The following DIP2C variants were observed in gnomAD, a reference collection of about 807,000 sequenced individuals.
DIP2C encodes the protein DIP2 acetate--CoA ligase C (putative).
In DIP2C, 33 loss-of-function variants were observed where a neutral mutation model predicts 192.4. The observed-to-expected ratio is 0.17, with a 90% confidence interval of 0.13 to 0.23. The LOEUF is 0.23. DIP2C is among the 10% of genes least tolerant of loss of function. DIP2C has a pLI of 1.00. For missense variants in DIP2C, 1,537 were observed against 2,110.1 expected, an observed-to-expected ratio of 0.73 and a Z score of 5.32; for synonymous variants, 979 against 864.1, an observed-to-expected ratio of 1.13 and a Z score of -2.33.
intron 1 of DIP2C, among the ~76,000 whole-genome samples, chr10:533,158 A>G (rs1847513958): frequency 1.3e-5 from 2 of 152,078 alleles, no homozygotes; most frequent in Non-Finnish European, 2.9e-5. Flanking sequence ...AGAAAGTGTC[A>G]GAACTGACCC....
intron 8 of DIP2C, among the ~76,000 whole-genome samples, chr10:409,428 C>A (rs1417158831): frequency 1.3e-5 from 2 of 152,274 alleles, no homozygotes; most frequent in East Asian, 3.9e-4. Flanking sequence ...CAGATCAAAG[C>A]TTCAAACTCA....
At chr10:654,778 G>A (rs1856175554) in intron 1 of DIP2C, among the ~76,000 whole-genome samples, 1 of 152,198 alleles carries the variant, frequency 6.6e-6, no homozygotes, top group Non-Finnish European at 1.5e-5. Context: ...GTTATACTCT[G>A]TAGTATGGAG....
chr10:544,601 C>T (rs1202257688), intron 1 of DIP2C, among the ~76,000 whole-genome samples: 2 of 152,084 alleles, frequency 1.3e-5, no homozygotes, highest in African/African-American at 2.4e-5. Flanking sequence ...AACATGTCAC[C>T]GTCCAGTACT....
intron 1 of DIP2C, among the ~76,000 whole-genome samples, chr10:532,758 T>TATGGGTGTGA (rs1847486904): frequency 2.0e-4 from 20 of 99,904 alleles, no homozygotes; most frequent in East Asian, 5.2e-4. Context: ...TATGGGTGTG[T>TATGGGTGTGA]GAGAGAGTAT....
intron 1 of DIP2C, among the ~76,000 whole-genome samples, chr10:536,910 T>G (rs1847726621): frequency 1.3e-5 from 2 of 152,180 alleles, no homozygotes; most frequent in African/African-American, 4.8e-5. Context: ...CGCCAGTTCT[T>G]TATTCTGTTT....
intron 2 of DIP2C, among the ~76,000 whole-genome samples, chr10:473,190 C>G (rs1326990265): frequency 6.6e-6 from 1 of 152,150 alleles, no homozygotes; most frequent in African/African-American, 2.4e-5. Flanking sequence ...TGGTATTGGT[C>G]AAAACATTGA....
chr10:469,831 C>T (rs1185705737), intron 3 of DIP2C, among the ~76,000 whole-genome samples: 3 of 152,206 alleles, frequency 2.0e-5, no homozygotes, highest in Non-Finnish European at 4.4e-5. Context: ...TATAACCCAG[C>T]CGCTCCTACC....
In DIP2C at chr10:368,567, G is replaced by A. The variant is rs183406520; in HGVS notation, c.2131+927C>T. Among the ~76,000 whole-genome samples the A allele has an allele frequency of 3.9e-4, 59 of 152,322 alleles. No individual in the cohort carries two copies. In the East Asian group the frequency reaches 0.01, roughly 26 times the overall value. ...TCATTTCTTTTATGCCAAACAGGCC[G>A]AACAGAAAGGCGAGACAGCTTCTGG... On this transcript the variant is annotated intron_variant, in intron 18 of 36. Coordinates refer to ENST00000280886, the MANE Select transcript of DIP2C (RefSeq NM_014974.3).
In DIP2C at chr10:327,044, A is replaced by C. The variant is rs781736006; in HGVS notation, c.3886T>G (p.Ser1296Ala). The change falls in exon 31 of 37, where the codon TCG becomes GCG. Residue 1296 changes from serine to alanine, a missense_variant. Physicochemically the swap from Ser to Ala is moderately conservative, Grantham distance 99. Transcript: ENST00000280886. ...LGLHPRAVST[S>A]FGCRVNLAIC... Reference sequence around the variant, plus strand: ...GCCAGGTTCACCCTGCAACCGAACGAGGTGCTGACGGCCCGCGGGTGAAGG... The same window carrying C: ...GCCAGGTTCACCCTGCAACCGAACGCGGTGCTGACGGCCCGCGGGTGAAGG... 1 of 1,614,108 alleles carries C rather than the reference A, an allele frequency of 6.2e-7. No homozygotes were observed. The highest frequency in any genetic ancestry group is 2.2e-5 in the East Asian group (1 of 44,882).
At chr10:345,417 CCCCACA>C (rs1958393000) in intron 26 of DIP2C, among the ~76,000 whole-genome samples, 1 of 151,936 alleles carries the variant, frequency 6.6e-6, no homozygotes, top group Non-Finnish European at 1.5e-5. Context: ...CTCCTGGAAA[CCCCACA>C]CACACACACC....
intron 9 of DIP2C, among the ~76,000 whole-genome samples, chr10:407,941 T>C (rs1461666981): frequency 6.6e-6 from 1 of 152,254 alleles, no homozygotes; most frequent in Non-Finnish European, 1.5e-5. Context: ...GTCCAATTTA[T>C]TTATTTTCCT....
At chr10:596,653 GC>G (rs997511904) in intron 1 of DIP2C, among the ~76,000 whole-genome samples, 87 of 152,256 alleles carry the variant, frequency 5.7e-4, no homozygotes, top group Middle Eastern at 6.8e-3. Context: ...CTGACAGAAG[GC>G]TGCACCCCAA....
chr10:423,485 C>G (rs112923511), intron 4 of DIP2C, among the ~76,000 whole-genome samples: 2 of 152,158 alleles, frequency 1.3e-5, no homozygotes, highest in Admixed American at 6.5e-5. Flanking sequence ...TCTACTACAT[C>G]GGTGTGTTAG....
At chr10:364,916 T>C (rs759516821) in intron 19 of DIP2C, 46 of 552,676 alleles carry the variant, frequency 8.3e-5, no homozygotes, top group Non-Finnish European at 1.6e-4. Context: ...AAAACCACAA[T>C]GTAAAAGACG....
rs775347133 is a variant in DIP2C at position 277,423 on chromosome 10, T to C, written c.4573A>G (p.Ile1525Val). 6.2e-7 allele frequency: 1 copy of C among 1,614,162 alleles called. No homozygotes were observed. Among genetic ancestry groups the C allele is most frequent in the South Asian group, 1.1e-5 (1 of 91,072 alleles). Reference protein sequence around the residue: ...GVVVVVDIGVIPINSRGEKQR... With the variant: ...GVVVVVDIGVVPINSRGEKQR... ...TTCTCCCCACGGGAGTTGATGGGGATGACGCCGATGTCCACCACGACCACC... is the reference window on the plus strand; with the variant it reads ...TTCTCCCCACGGGAGTTGATGGGGACGACGCCGATGTCCACCACGACCACC... Residue 1525 changes from isoleucine to valine, a missense_variant, in exon 37 of 37, where the codon ATC (isoleucine) becomes GTC (valine). Transcript: ENST00000280886.
intron 3 of DIP2C, among the ~76,000 whole-genome samples, chr10:469,269 C>G (rs1970446901): frequency 6.6e-6 from 1 of 151,920 alleles, no homozygotes; most frequent in African/African-American, 2.4e-5. Context: ...CCTTCAGGTC[C>G]TATTGCTATT....
chr10:422,098 G>A (rs1015645601), intron 5 of DIP2C, among the ~76,000 whole-genome samples: 7 of 152,292 alleles, frequency 4.6e-5, no homozygotes, highest in East Asian at 1.9e-4. Context: ...GTCTGAGCCC[G>A]TGGCTCGAGC....
At chr10:405,532 C>T (rs530540916) in intron 9 of DIP2C, among the ~76,000 whole-genome samples, 56 of 152,168 alleles carry the variant, frequency 3.7e-4, no homozygotes, top group Non-Finnish European at 7.4e-4. Flanking sequence ...AGGAAGAGAA[C>T]GTTGTACTTA....
chr10:315,724 C>T (rs1956747127), intron 31 of DIP2C, among the ~76,000 whole-genome samples: 1 of 152,184 alleles, frequency 6.6e-6, no homozygotes, highest in African/African-American at 2.4e-5. Context: ...TGATTCTTCC[C>T]TTCACTCCTG....
Sources: allele counts gnomAD v4.1 joint callset (sites outside exome capture counted in the v4.1 genomes callset), GRCh38; gene constraint gnomAD v4.1.1; transcripts MANE v1.5; gene names NCBI Gene and HGNC (gene_info 2026-07-23, HGNC 2026-07-21).